The following MAGI2 variants were observed in gnomAD, a reference collection of about 807,000 sequenced individuals.
The protein encoded by MAGI2 is membrane associated guanylate kinase, WW and PDZ domain containing 2.
MAGI2 carries 35 observed loss-of-function variants against 133.3 expected under a neutral mutation model. That is an observed-to-expected ratio of 0.26 (90% CI 0.20 to 0.35). MAGI2 has a LOEUF of 0.35. MAGI2 is among the 10% of genes least tolerant of loss of function. MAGI2 has a pLI of 1.00. For missense variants in MAGI2, 1,636 were observed against 1,863.4 expected (o/e 0.88, Z 2.25); for synonymous variants, 729 against 710.6 (o/e 1.03, Z -0.41).
chr7:78,326,670 T>C (rs1788620025), intron 9 of MAGI2, among the ~76,000 whole-genome samples: 1 of 149,276 alleles, frequency 6.7e-6, no homozygotes, highest in Non-Finnish European at 1.5e-5. Context: ...AAATATAAGA[T>C]AGTATTTTTT....
At chr7:78,152,555 C>T (rs1823990433) in intron 16 of MAGI2, among the ~76,000 whole-genome samples, 1 of 152,164 alleles carries the variant, frequency 6.6e-6, no homozygotes, top group Non-Finnish European at 1.5e-5. Flanking sequence ...CCTCATGGAA[C>T]AGAAATTAAG....
At chr7:79,439,661 A>G (rs1318454476) in intron 1 of MAGI2, among the ~76,000 whole-genome samples, 1 of 152,160 alleles carries the variant, frequency 6.6e-6, no homozygotes, top group East Asian at 1.9e-4. Context: ...ATGACATAAA[A>G]CAAAAATTAA....
chr7:78,674,233 A>ATT (rs35089095), intron 2 of MAGI2, among the ~76,000 whole-genome samples: 120 of 147,818 alleles, frequency 8.1e-4, no homozygotes, highest in Non-Finnish European at 1.7e-3. Flanking sequence ...ATAGCAAAGC[A>ATT]TTTTTTTTTT....
intron 1 of MAGI2, among the ~76,000 whole-genome samples, chr7:79,296,830 A>G (rs1164150363): frequency 6.6e-6 from 1 of 152,186 alleles, no homozygotes; most frequent in Non-Finnish European, 1.5e-5. Context: ...TAGAATGACT[A>G]TAACTCACAA....
At chr7:78,891,881 C>T (rs945896812) in intron 2 of MAGI2, among the ~76,000 whole-genome samples, 2 of 152,086 alleles carry the variant, frequency 1.3e-5, no homozygotes, top group African/African-American at 2.4e-5. Flanking sequence ...CTGGCCAGGG[C>T]AATCAGGCAG....
intron 1 of MAGI2, among the ~76,000 whole-genome samples, chr7:79,314,916 A>T (rs1838586893): frequency 2.0e-5 from 3 of 152,176 alleles, no homozygotes; most frequent in African/African-American, 7.2e-5. Context: ...AGGAAATGAA[A>T]TGTACATGAA....
At chr7:78,557,975 CTTTT>C (rs5885075) in intron 3 of MAGI2, among the ~76,000 whole-genome samples, 384 of 150,662 alleles carry the variant, frequency 2.5e-3, no homozygotes, top group East Asian at 8.4e-3. Context: ...TATTGGAACT[CTTTT>C]TTTTTTTTAA....
chr7:78,251,291 C>T (rs2150937405), intron 10 of MAGI2: 1 of 152,252 alleles, frequency 6.6e-6, no homozygotes, highest in South Asian at 2.1e-4. Flanking sequence ...TGATGCAAGA[C>T]TAACAGTTTC....
At chr7:79,283,853 A>C (rs923585723) in intron 1 of MAGI2, among the ~76,000 whole-genome samples, 1 of 152,114 alleles carries the variant, frequency 6.6e-6, no homozygotes, top group African/African-American at 2.4e-5. Flanking sequence ...ATTTTCAGTC[A>C]ACAATGGATC....
At chr7:78,678,593 C>T (rs886667674) in intron 2 of MAGI2, among the ~76,000 whole-genome samples, 7 of 152,112 alleles carry the variant, frequency 4.6e-5, no homozygotes, top group African/African-American at 1.7e-4. Context: ...TAGTGTTTAT[C>T]TCCTAACCTA....
intron 1 of MAGI2, among the ~76,000 whole-genome samples, chr7:79,426,050 A>C (rs372734674): frequency 2.4e-4 from 37 of 152,300 alleles, no homozygotes; most frequent in African/African-American, 8.9e-4. Context: ...CATTATACGT[A>C]TTTGTCTTGA....
chr7:78,442,680 A>G (rs1158550763), intron 6 of MAGI2, among the ~76,000 whole-genome samples: 1 of 152,232 alleles, frequency 6.6e-6, no homozygotes, highest in African/African-American at 2.4e-5. Flanking sequence ...CCCCTAAATA[A>G]CAAGCTCAGA....
At chr7:78,581,201 G>A (rs1410654414) in intron 3 of MAGI2, among the ~76,000 whole-genome samples, 2 of 152,140 alleles carry the variant, frequency 1.3e-5, no homozygotes, top group African/African-American at 2.4e-5. Context: ...GCCCAGGCTT[G>A]GGGGAGGGAG....
At chr7:78,529,811 C>T (rs929847796) in intron 3 of MAGI2, among the ~76,000 whole-genome samples, 3 of 150,246 alleles carry the variant, frequency 2.0e-5, no homozygotes, top group African/African-American at 2.4e-5. Context: ...ACCACCACAC[C>T]TGGCCAATCA....
At chr7:78,054,589 C>CTTTTTTTTTT (rs3972364) in intron 21 of MAGI2, among the ~76,000 whole-genome samples, 13 of 141,832 alleles carry the variant, frequency 9.2e-5, no homozygotes, top group African/African-American at 3.2e-4. Flanking sequence ...CATAGGCATA[C>CTTTTTTTTTT]TTTTTTTTTT....
chr7:78,567,084 A>C (rs1309367900), intron 3 of MAGI2, among the ~76,000 whole-genome samples: 1 of 152,210 alleles, frequency 6.6e-6, no homozygotes, highest in Non-Finnish European at 1.5e-5. Context: ...TTACAAAAAC[A>C]AAGAAACTTT....
At chr7:78,903,385 C>T (rs1368998948) in intron 2 of MAGI2, among the ~76,000 whole-genome samples, 2 of 151,382 alleles carry the variant, frequency 1.3e-5, no homozygotes, top group African/African-American at 4.9e-5. Context: ...TTAGTAGAGA[C>T]GGGGTTTCAC....
chr7:78,635,295 TA>T (rs1809507199), intron 2 of MAGI2, among the ~76,000 whole-genome samples: 1 of 152,226 alleles, frequency 6.6e-6, no homozygotes, highest in Admixed American at 6.5e-5. Flanking sequence ...TTTTTTGTCT[TA>T]GGAAGAAAAG....
chr7:78,161,688 GAA>G (rs397753924), intron 15 of MAGI2, among the ~76,000 whole-genome samples: 1 of 107,236 alleles, frequency 9.3e-6, no homozygotes, highest in Non-Finnish European at 1.9e-5. Flanking sequence ...AAAAAAAAAA[GAA>G]AAAAAAAAAG....
Sources: gnomAD v4.1 joint callset for allele counts (sites outside exome capture counted in the v4.1 genomes callset) on GRCh38, gnomAD v4.1.1 for gene constraint, MANE v1.5 for transcripts, NCBI Gene and HGNC (gene_info 2026-07-23, HGNC 2026-07-21) for gene names.